Variants in KIAA0825 observed in about 807,000 individuals in gnomAD.
KIAA0825 encodes uncharacterized protein KIAA0825.
KIAA0825 carries 119 observed loss-of-function variants against 147.6 expected under a neutral mutation model. The observed-to-expected ratio is 0.81, with a 90% CI of 0.69 to 0.94. The LOEUF (loss-of-function observed/expected upper bound fraction) is 0.94. Ranked by LOEUF, KIAA0825 falls within the 40% of genes least tolerant of loss-of-function variation. The probability of loss-of-function intolerance (pLI) is 0.00; values close to 1 mark genes in which losing one functional copy is unlikely to be tolerated. For missense variants in KIAA0825, 1,381 were observed against 1,472.7 expected, an observed-to-expected ratio of 0.94 and a Z score of 1.02; for synonymous variants, 470 against 518.1, an observed-to-expected ratio of 0.91 and a Z score of 1.26.
intron 3 of KIAA0825, among the ~76,000 whole-genome samples, chr5:94,530,271 CAAAAAA>C (rs770501364): frequency 5.5e-5 from 3 of 54,606 alleles, no homozygotes; most frequent in African/African-American, 2.0e-4. Flanking sequence ...AACTCCGTCA[CAAAAAA>C]AAAAAAAAAA....
chr5:94,532,292 G>A (rs1004864776), intron 3 of KIAA0825, among the ~76,000 whole-genome samples: 1 of 151,414 alleles, frequency 6.6e-6, no homozygotes, highest in Non-Finnish European at 1.5e-5. Flanking sequence ...AACCCACAGG[G>A]GTGAGCCACC....
intron 9 of KIAA0825, among the ~76,000 whole-genome samples, chr5:94,470,563 T>A (rs891961800): frequency 1.4e-4 from 21 of 152,352 alleles, no homozygotes; most frequent in Admixed American, 9.8e-4. Context: ...ATATCAATTA[T>A]CTCATAAACT....
At chr5:94,506,369 C>T (rs1352782986) in intron 5 of KIAA0825, among the ~76,000 whole-genome samples, 1 of 152,102 alleles carries the variant, frequency 6.6e-6, no homozygotes, top group African/African-American at 2.4e-5. Context: ...AAGAAAATTT[C>T]CATCATTGAA....
At chr5:94,177,830 T>C (rs1298181212) in intron 20 of KIAA0825, among the ~76,000 whole-genome samples, 1 of 152,142 alleles carries the variant, frequency 6.6e-6, no homozygotes, top group Non-Finnish European at 1.5e-5. Flanking sequence ...TTTGAGTTCC[T>C]ACTATGAGTC....
rs1176429699 is a variant in KIAA0825 at position 94,565,095 on chromosome 5, C to CT, written c.-2+17337dup. Among the ~76,000 whole-genome samples the CT allele has an allele frequency of 3.4e-3, 180 of 52,920 alleles. 16 individuals are homozygous for CT. The highest frequency in any genetic ancestry group is 5.2e-3 in the African/African-American group (66 of 12,750). 34.7% of individuals were successfully genotyped at this position (52,920 alleles called of 152,430 possible). The stretch of plus-strand genomic sequence containing the variant: ...CTCTTTCTCTCTCTTTCTTGCTTTC[C>CT]TTTTTTTTTTTTTTTTTTGGTAGAG... On this transcript the variant is annotated intron_variant, in intron 2 of 20. Coordinates refer to ENST00000682413, the MANE Select transcript of KIAA0825 (RefSeq NM_001145678.3).
At chr5:94,224,082 C>CTT (rs869059424) in intron 20 of KIAA0825, among the ~76,000 whole-genome samples, 76 of 56,478 alleles carry the variant, frequency 1.3e-3, no homozygotes, top group Non-Finnish European at 1.9e-3. Flanking sequence ...TTTTTCTTTT[C>CTT]TTTTTTTTTT....
At chr5:94,427,020 T>C (rs963516796) in intron 14 of KIAA0825, among the ~76,000 whole-genome samples, 4 of 152,214 alleles carry the variant, frequency 2.6e-5, no homozygotes, top group African/African-American at 9.7e-5. Flanking sequence ...CTGTATGGTA[T>C]ACAAGGCCTA....
chr5:94,397,320 C>T (rs1236826934), intron 16 of KIAA0825, among the ~76,000 whole-genome samples: 3 of 152,172 alleles, frequency 2.0e-5, no homozygotes, highest in Admixed American at 6.5e-5. Context: ...ATTAACATCG[C>T]TTAGATGTAG....
At chr5:94,546,848 T>G (rs1774499952) in intron 2 of KIAA0825, among the ~76,000 whole-genome samples, 1 of 127,142 alleles carries the variant, frequency 7.9e-6, no homozygotes, top group Non-Finnish European at 1.6e-5. Flanking sequence ...CAGGAAAACA[T>G]GACCTCACCC....
intron 20 of KIAA0825, among the ~76,000 whole-genome samples, chr5:94,281,135 C>G (rs1310552689): frequency 6.6e-6 from 1 of 151,604 alleles, no homozygotes; most frequent in Non-Finnish European, 1.5e-5. Flanking sequence ...AGAGCATAGG[C>G]TCTTTTCGAT....
intron 2 of KIAA0825, among the ~76,000 whole-genome samples, chr5:94,581,450 A>G (rs1021421674): frequency 5.9e-5 from 9 of 152,208 alleles, no homozygotes; most frequent in Non-Finnish European, 1.2e-4. Flanking sequence ...ACCAAAGGAA[A>G]TGTAGAAACC....
intron 2 of KIAA0825, among the ~76,000 whole-genome samples, chr5:94,547,736 C>A (rs1241957876): frequency 4.2e-4 from 53 of 127,652 alleles, no homozygotes; most frequent in East Asian, 6.9e-4. Context: ...GACTCCCTTT[C>A]AAAAAAAAAA....
chr5:94,158,925 A>T (rs1438169196), intron 20 of KIAA0825, among the ~76,000 whole-genome samples: 2 of 152,234 alleles, frequency 1.3e-5, no homozygotes, highest in African/African-American at 4.8e-5. Context: ...GATGATTATT[A>T]TTATTTGGCA....
chr5:94,187,638 G>T (rs571393708), intron 20 of KIAA0825, among the ~76,000 whole-genome samples: 1 of 152,036 alleles, frequency 6.6e-6, no homozygotes, highest in East Asian at 1.9e-4. Context: ...TGTTAGCCAG[G>T]ATGGTCTTGA....
At chr5:94,318,397 T>C (rs1002371857) in intron 20 of KIAA0825, among the ~76,000 whole-genome samples, 2 of 151,872 alleles carry the variant, frequency 1.3e-5, no homozygotes, top group Admixed American at 1.3e-4. Context: ...TATAAGAAAT[T>C]GAAATACATT....
chr5:94,586,613 A>C (rs558767617), intron 1 of KIAA0825, among the ~76,000 whole-genome samples: 78 of 152,378 alleles, frequency 5.1e-4, no homozygotes, highest in Non-Finnish European at 9.8e-4. Context: ...TACCAGAGGT[A>C]CAAGGATTAG....
intron 2 of KIAA0825, among the ~76,000 whole-genome samples, chr5:94,581,850 AT>A (rs1782245924): frequency 6.6e-6 from 1 of 152,226 alleles, no homozygotes; most frequent in Admixed American, 6.5e-5. Context: ...GCATTTTAAA[AT>A]AACTGGCTGG....
intron 20 of KIAA0825, among the ~76,000 whole-genome samples, chr5:94,361,938 A>G (rs1745119424): frequency 6.6e-6 from 1 of 152,216 alleles, no homozygotes; most frequent in African/African-American, 2.4e-5. Flanking sequence ...ACTGAAGAAC[A>G]GTGTGTGCAG....
At chr5:94,457,712 A>C (rs538068145) in intron 12 of KIAA0825, among the ~76,000 whole-genome samples, 3 of 152,332 alleles carry the variant, frequency 2.0e-5, no homozygotes, top group Admixed American at 2.0e-4. Context: ...GATAAAAACC[A>C]ATGCACATCA....
Sources: gnomAD v4.1 joint callset for allele counts (sites outside exome capture counted in the v4.1 genomes callset) on GRCh38, gnomAD v4.1.1 for gene constraint, MANE v1.5 for transcripts, NCBI Gene and HGNC (gene_info 2026-07-23, HGNC 2026-07-21) for gene names.